The following CFAP74 variants were observed in gnomAD, a reference collection of about 807,000 sequenced individuals.
CFAP74 encodes cilia- and flagella-associated protein 74.
In CFAP74, 124 loss-of-function variants were observed where a neutral mutation model predicts 188.9. The ratio of observed to expected loss-of-function variants is 0.66; its 90% confidence interval spans 0.57 to 0.76. The LOEUF is 0.76. CFAP74 is among the 30% of genes least tolerant of loss of function. The probability of loss-of-function intolerance (pLI) is 0.00; values close to 1 mark genes in which losing one functional copy is unlikely to be tolerated. For synonymous variants in CFAP74, 956 were observed against 916.7 expected (o/e 1.04, Z -0.77); for missense variants, 2,198 against 2,165.2 (o/e 1.02, Z -0.30).
chr1:1,939,184 T>C (rs1427333938), intron 24 of CFAP74, among the ~76,000 whole-genome samples, 196 bp from the exon 25 acceptor site: 1 of 152,068 alleles, frequency 6.6e-6, no homozygotes, highest in Non-Finnish European at 1.5e-5. Flanking sequence ...GCATGAGCAA[T>C]TGTGAGCATG....
At chr1:1,986,567 G>C (rs990939483) in intron 5 of CFAP74, among the ~76,000 whole-genome samples, 12 of 152,220 alleles carry the variant, frequency 7.9e-5, no homozygotes, top group African/African-American at 2.9e-4. Context: ...AATGCCTGTT[G>C]GTGAGTGTTG....
rs142119526 is a variant in CFAP74, at chr1:1,928,712, G to A, written c.3387+72C>T. On this transcript the variant is annotated intron_variant, in intron 27 of 38. Transcript: ENST00000682832. Reference sequence around the variant, plus strand: ...ACGTGGCCGGAGCCCCCCAGGACTCGAAGGCGGTGGAGTTTGTTCCTGCAA... The same window carrying A: ...ACGTGGCCGGAGCCCCCCAGGACTCAAAGGCGGTGGAGTTTGTTCCTGCAA... 436 of 1,191,338 alleles carry A rather than the reference G, an allele frequency of 3.7e-4. 2 individuals carry two copies. The African/African-American group carries it at 5.2e-3, about 14-fold the overall frequency. 73.8% of individuals were successfully genotyped at this position (1,191,338 alleles called of 1,614,324 possible).
At chr1:1,995,326 T>A (rs1010852592) in intron 1 of CFAP74, among the ~76,000 whole-genome samples, 1 of 151,946 alleles carries the variant, frequency 6.6e-6, no homozygotes, top group Non-Finnish European at 1.5e-5. Context: ...ACCCCGTCTC[T>A]ACTAAAAATA....
intron 25 of CFAP74, 49 bp downstream of exon 25, chr1:1,938,806 T>G (rs1172626132): frequency 2.6e-6 from 4 of 1,523,626 alleles, no homozygotes; most frequent in Admixed American, 4.0e-5. Context: ...GGGCCCCTCC[T>G]GAGCGGGCAC....
In CFAP74 at chr1:1,944,392, C is replaced by T. The variant is rs929284688; in HGVS notation, c.2425G>A (p.Val809Met). ...DVPVWVPKPSVDLKICMYDRL... is the reference protein window; with the variant it reads ...DVPVWVPKPSMDLKICMYDRL... The stretch of plus-strand genomic sequence containing the variant: ...TCATACATGCAGATCTTCAGGTCCA[C>T]GCTGGGCTTCGGCACCCAGACCGGC... The change falls in exon 21 of 39, where the codon GTG (valine) becomes ATG (methionine). Residue 809 changes from valine (V) to methionine (M), a missense_variant. Transcript: ENST00000682832. 1.4e-5 allele frequency: 22 copies of T among 1,536,020 alleles called. No individual in the cohort carries two copies. Among genetic ancestry groups the T allele is most frequent in the African/African-American group, 4.1e-5 (3 of 73,052 alleles).
chr1:1,964,834 C>A, intron 13 of CFAP74, 54 bp downstream of exon 13: 1 of 1,595,680 alleles, frequency 6.3e-7, no homozygotes, highest in African/African-American at 1.3e-5. Context: ...GGCAGGGCTC[C>A]CCTGCTGTCC....
chr1:1,951,361 T>C (rs959011530), intron 18 of CFAP74, among the ~76,000 whole-genome samples: 4 of 152,210 alleles, frequency 2.6e-5, no homozygotes, highest in African/African-American at 9.7e-5. Context: ...CCAGACTATA[T>C]CAGGGGGCTT....
chr1:1,955,954 C>G, intron 17 of CFAP74, 104 bp from the exon 18 acceptor site: 1 of 1,465,840 alleles, frequency 6.8e-7, no homozygotes, highest in Non-Finnish European at 9.0e-7. Flanking sequence ...GGGCTGGACC[C>G]TGGCTCCAGC....
In CFAP74 at chr1:1,975,112, C is replaced by A. The variant is rs1243002765; in HGVS notation, c.501-914G>T. 1.3e-5 allele frequency among the ~76,000 whole-genome samples: 2 copies of A among 152,238 alleles called. No individual in the cohort carries two copies. Among genetic ancestry groups the A allele is most frequent in the African/African-American group, 4.8e-5 (2 of 41,460 alleles). On this transcript the variant is annotated intron_variant, in intron 6 of 38. Transcript: ENST00000682832. This position sits in a 1 kb window ranked among gnomAD's most constrained non-coding sequence, Gnocchi z 4.5. ...ACATTCCACGTGACGTGTGCCACAG[C>A]TCTGTCCTAGACACCCGCGATCATG...
chr1:1,939,087 C>T (rs1442001874), intron 24 of CFAP74, 99 bp from the exon 25 acceptor site: 19 of 1,248,036 alleles, frequency 1.5e-5, no homozygotes, highest in South Asian at 4.3e-5. Flanking sequence ...TGAGTGTGAT[C>T]GTGTGTGAGC....
intron 26 of CFAP74, 41 bp from the exon 27 acceptor site, chr1:1,928,923 C>T (rs1304697885): frequency 2.9e-6 from 4 of 1,394,352 alleles, no homozygotes; most frequent in African/African-American, 1.4e-5. Flanking sequence ...TGCCACTTCC[C>T]TCCACCTCCC....
In CFAP74 at chr1:1,963,863, A is replaced by T. The variant is rs757220808; in HGVS notation, c.1580T>A (p.Phe527Tyr). The T allele has an allele frequency of 1.2e-6, 2 of 1,608,086 alleles. No homozygotes were observed. The highest frequency in any genetic ancestry group is 2.7e-5 in the African/African-American group (2 of 74,834). Reference sequence around the variant, plus strand: ...TTTCTTGTACACTTTGCCAATATCAAAGTCCTGGGAAAGGCCGAGGTAGCA... The same window carrying T: ...TTTCTTGTACACTTTGCCAATATCATAGTCCTGGGAAAGGCCGAGGTAGCA... ...SKPELLHFQD[F>Y]DIGKVYKKKI... Residue 527 changes from phenylalanine to tyrosine, a missense_variant, in exon 14 of 39, where the codon TTT becomes TAT. Coordinates refer to ENST00000682832, the MANE Select transcript of CFAP74 (RefSeq NM_001304360.2).
At chr1:1,988,354 G>C (rs953772651) in intron 4 of CFAP74, among the ~76,000 whole-genome samples, 158 bp downstream of exon 4, 7 of 152,164 alleles carry the variant, frequency 4.6e-5, no homozygotes, top group Non-Finnish European at 1.0e-4. Flanking sequence ...TAGCTCCCGG[G>C]TGGGGCTTGC....
chr1:1,924,176 A>ACAG (rs1651638053), intron 34 of CFAP74, among the ~76,000 whole-genome samples: 3 of 11,346 alleles, frequency 2.6e-4, no homozygotes, highest in African/African-American at 1.2e-3. Flanking sequence ...CCCCCACCTC[A>ACAG]CCAACTGCCC....
intron 23 of CFAP74, 143 bp downstream of exon 23, chr1:1,940,173 C>G: frequency 1.5e-6 from 1 of 682,290 alleles, no homozygotes; most frequent in Non-Finnish European, 2.5e-6. Context: ...AGGCAAGCCC[C>G]TCTGGCCGCT....
At chr1:1,966,644 G>C in intron 11 of CFAP74, 118 bp from the exon 12 acceptor site, 2 of 917,162 alleles carry the variant, frequency 2.2e-6, no homozygotes, top group Non-Finnish European at 3.0e-6. Context: ...TCTGCCTCAC[G>C]TACTCTGCAT....
chr1:1,942,102 GT>G lies in CFAP74; in HGVS notation c.2540del (p.His847ProfsTer48). 6.5e-7 allele frequency: 1 copy of G among 1,532,500 alleles called. No homozygotes were observed. Among genetic ancestry groups the G allele is most frequent in the Non-Finnish European group, 8.7e-7 (1 of 1,145,502 alleles). The allele number at this position is 1,532,500 out of a possible 1,614,324, so 94.9% of individuals were successfully genotyped here. A position where few individuals can be genotyped will look rare whatever the true frequency, so the allele number is the denominator to read the frequency against. On this transcript the variant is annotated frameshift_variant, in exon 22 of 39. Coordinates refer to ENST00000682832, the MANE Select transcript of CFAP74 (RefSeq NM_001304360.2). LOFTEE classifies it high-confidence loss of function. This position sits in a 1 kb window ranked among gnomAD's most constrained non-coding sequence, Gnocchi z 4.3. ...KFEVCKELRA[H>X]LELLPKTGYI... ...AGCCTGTCTTGGGCAGGAGCTCCAGGTGGGCCCTCAGCTCCTTGCACACCTC... is the reference window on the plus strand; with the variant it reads ...AGCCTGTCTTGGGCAGGAGCTCCAGGGGGCCCTCAGCTCCTTGCACACCTC...
Position 1,979,929 on chromosome 1 carries a change from G to A in CFAP74, c.500+5457C>T, listed in dbSNP as rs375544420. On this transcript the variant is annotated intron_variant, in intron 6 of 38. Transcript: ENST00000682832. ...GGAAGGTGTCACGTGACGAGGCTGC[G>A]CAGAACACGCGTGTGATCGCTCACG... 1.3e-5 allele frequency among the ~76,000 whole-genome samples: 2 copies of A among 149,536 alleles called. 1 individual carries two copies. Among genetic ancestry groups the A allele is most frequent in the East Asian group, 3.9e-4 (2 of 5,090 alleles).
intron 25 of CFAP74, among the ~76,000 whole-genome samples, chr1:1,937,003 T>A (rs570982237): frequency 6.6e-6 from 1 of 152,254 alleles, no homozygotes; most frequent in African/African-American, 2.4e-5. Context: ...GTGACATTGT[T>A]ATGAGACGAG....
Sources: gnomAD v4.1 joint callset for allele counts (sites outside exome capture counted in the v4.1 genomes callset) on GRCh38, gnomAD v4.1.1 for gene constraint, Gnocchi (gnomAD v3.1) non-coding constraint, MANE v1.5 for transcripts, NCBI Gene and HGNC (gene_info 2026-07-23, HGNC 2026-07-21) for gene names.